STARD13: variants seen among roughly 807,000 people sequenced by gnomAD.
STARD13 encodes the protein stAR-related lipid transfer protein 13.
STARD13 carries 62 observed loss-of-function variants against 106.4 expected under a neutral mutation model. That is an observed-to-expected ratio of 0.58 (90% CI 0.48 to 0.72). The LOEUF is 0.72. Ranked by LOEUF, STARD13 falls within the 30% of genes least tolerant of loss-of-function variation. The probability of loss-of-function intolerance (pLI) is 0.00; values close to 1 mark genes in which losing one functional copy is unlikely to be tolerated. For missense variants in STARD13, 1,387 were observed against 1,424.0 expected, an observed-to-expected ratio of 0.97 and a Z score of 0.42; for synonymous variants, 565 against 553.0, an observed-to-expected ratio of 1.02 and a Z score of -0.31.
rs1217412157 is a variant in STARD13 at position 33,110,891 on chromosome 13, A to G, written c.2624T>C (p.Val875Ala). 3.1e-6 allele frequency: 5 copies of G among 1,613,138 alleles called. No individual in the cohort carries two copies. Among genetic ancestry groups the G allele is most frequent in the Non-Finnish European group, 3.4e-6 (4 of 1,179,986 alleles). Residue 875 changes from valine to alanine, a missense_variant, in exon 11 of 14, where the codon GTG (valine) becomes GCG (alanine). By Grantham distance (64) the Val-to-Ala change is moderately conservative. Transcript: ENST00000336934. ...CACATACGAGTTACGAGACTGGGCC[A>G]CCAACTCGTGTGGAACCTAGACCAA... is the stretch of plus-strand genomic sequence containing the variant. ...DRLFEVPHEL[V>A]AQSRNSYVEA...
the STARD13 span, among the ~76,000 whole-genome samples, chr13:33,647,288 T>A: frequency 6.6e-6 from 1 of 152,170 alleles, no homozygotes; most frequent in Non-Finnish European, 1.5e-5. Context: ...CTCAAAAAAA[T>A]TTTATCTCCC....
At chr13:33,492,841 T>C in the STARD13 span, among the ~76,000 whole-genome samples, 1 of 152,172 alleles carries the variant, frequency 6.6e-6, no homozygotes, top group Non-Finnish European at 1.5e-5. Context: ...CTGAATTCTT[T>C]CTTGTGCGAG....
At chr13:33,191,110 G>T (rs1320236655) in intron 1 of STARD13, among the ~76,000 whole-genome samples, 5 of 152,176 alleles carry the variant, frequency 3.3e-5, no homozygotes, top group African/African-American at 7.2e-5. Flanking sequence ...CTAAAGTAAG[G>T]TCATGTCAAA....
chr13:33,388,733 G>C, the STARD13 span, among the ~76,000 whole-genome samples: 5 of 152,242 alleles, frequency 3.3e-5, no homozygotes, highest in Non-Finnish European at 7.4e-5. Context: ...CTGTCTAGCA[G>C]CCTGGCAGCC....
chr13:33,411,506 C>A, the STARD13 span, among the ~76,000 whole-genome samples: 1 of 151,694 alleles, frequency 6.6e-6, no homozygotes, highest in African/African-American at 2.4e-5. Flanking sequence ...GTGGGCAGCA[C>A]TTCAGCAATG....
chr13:33,528,257 C>CATATATATATAT, the STARD13 span, among the ~76,000 whole-genome samples: 297 of 92,890 alleles, frequency 3.2e-3, 19 homozygotes, highest in African/African-American at 0.018. Flanking sequence ...TATATATATA[C>CATATATATATAT]ATATATATAT....
chr13:33,200,608 A>G (rs939925334), intron 1 of STARD13, among the ~76,000 whole-genome samples: 1 of 152,150 alleles, frequency 6.6e-6, no homozygotes, highest in Non-Finnish European at 1.5e-5. Flanking sequence ...TTGTGTTTCT[A>G]TTCACTTTGG....
chr13:33,468,550 G>A, the STARD13 span, among the ~76,000 whole-genome samples: 2 of 152,042 alleles, frequency 1.3e-5, no homozygotes, highest in Non-Finnish European at 2.9e-5. Context: ...CTTATAAAAG[G>A]ACAAGTTCAG....
Position 33,315,999 on chromosome 13 carries a change from T to C in STARD13, c.124+34291A>G, listed in dbSNP as rs59417470. 6.2e-3 allele frequency among the ~76,000 whole-genome samples: 940 copies of C among 152,308 alleles called. 11 individuals are homozygous for C. The highest frequency in any genetic ancestry group is 0.021 in the African/African-American group (887 of 41,564). On this transcript the variant is annotated intron_variant, in intron 1 of 5. Coordinates refer to the STARD13 transcript ENST00000567873. ...CATTCTACTTACCAAGTGGTTCTTCTAGCTGGTAAATTCTAAAACTCAGAT... is the reference window on the plus strand; with the variant it reads ...CATTCTACTTACCAAGTGGTTCTTCCAGCTGGTAAATTCTAAAACTCAGAT...
intron 1 of STARD13, among the ~76,000 whole-genome samples, chr13:33,231,382 C>A (rs1888912675): frequency 6.6e-6 from 1 of 152,186 alleles, no homozygotes; most frequent in Non-Finnish European, 1.5e-5. Context: ...GGCTGAGTGG[C>A]TTTCTTTAGA....
rs189144122 is a variant in STARD13, at chr13:33,234,947, A to G, written c.169+50523T>C. ...GGTGAATTTGTATGTTTTTATCTGCATTTCTTCCTGTTCAATATTTTAAGG... is the reference window on the plus strand; with the variant it reads ...GGTGAATTTGTATGTTTTTATCTGCGTTTCTTCCTGTTCAATATTTTAAGG... On this transcript the variant is annotated intron_variant, in intron 1 of 13. Transcript: ENST00000336934. Among the ~76,000 whole-genome samples, 520 of 152,318 alleles carry G rather than the reference A, an allele frequency of 3.4e-3. 1 individual carries two copies. Among genetic ancestry groups the G allele is most frequent in the Middle Eastern group, 0.02 (6 of 294 alleles).
chr13:33,482,448 A>G, the STARD13 span, among the ~76,000 whole-genome samples: 5 of 152,206 alleles, frequency 3.3e-5, no homozygotes, highest in African/African-American at 1.2e-4. Context: ...GAAAATCAAT[A>G]AAAAGCATTT....
At chr13:33,369,805 G>A in the STARD13 span, among the ~76,000 whole-genome samples, 20 of 151,988 alleles carry the variant, frequency 1.3e-4, no homozygotes, top group Non-Finnish European at 2.4e-4. Context: ...GAAAATCACC[G>A]GGCTTGGCTC....
intron 6 of STARD13, among the ~76,000 whole-genome samples, chr13:33,126,973 A>C (rs1566003280): frequency 6.6e-6 from 1 of 152,252 alleles, no homozygotes; most frequent in Non-Finnish European, 1.5e-5. Context: ...GAAGAATTAA[A>C]TGCTCTTTGA....
Position 33,177,434 on chromosome 13 carries a change from A to C in STARD13, c.170-9812T>G, listed in dbSNP as rs60421501. Among the ~76,000 whole-genome samples, 454 of 152,318 alleles carry C rather than the reference A, an allele frequency of 3.0e-3. 3 individuals are homozygous for C. The highest frequency in any genetic ancestry group is 0.01 in the African/African-American group (421 of 41,564). The stretch of plus-strand genomic sequence containing the variant: ...ATGCAACCAATCCTTTCATGACTAA[A>C]GTACCAGCAAATGGGCTCTATTGTA... On this transcript the variant is annotated intron_variant, in intron 1 of 13. Coordinates refer to ENST00000336934, the MANE Select transcript of STARD13 (RefSeq NM_178006.4).
the STARD13 span, among the ~76,000 whole-genome samples, chr13:33,414,128 A>G: frequency 3.3e-5 from 5 of 152,122 alleles, no homozygotes; most frequent in Admixed American, 1.3e-4. Flanking sequence ...AAAATGAGAT[A>G]TTATAGCACA....
the STARD13 span, among the ~76,000 whole-genome samples, chr13:33,574,780 A>G: frequency 1.3e-5 from 2 of 152,042 alleles, no homozygotes; most frequent in Non-Finnish European, 2.9e-5. Flanking sequence ...TGAAAAAGAG[A>G]CAAAATATAG....
intron 1 of STARD13, chr13:33,335,163 T>C (rs1233282148): frequency 6.6e-6 from 1 of 152,224 alleles, no homozygotes; most frequent in Non-Finnish European, 1.5e-5. Flanking sequence ...ATTAATGCAA[T>C]AGAGATCACG....
the STARD13 span, chr13:33,519,954 A>T: frequency 1.3e-5 from 2 of 152,188 alleles, no homozygotes; most frequent in Non-Finnish European, 2.9e-5. Flanking sequence ...TGCAAAATGT[A>T]TACCTTGCTT....
Sources: gnomAD v4.1 joint callset for allele counts (sites outside exome capture counted in the v4.1 genomes callset) on GRCh38, gnomAD v4.1.1 for gene constraint, MANE v1.5 for transcripts, NCBI Gene and HGNC (gene_info 2026-07-23, HGNC 2026-07-21) for gene names.